The following FHIT variants were observed in gnomAD, a reference collection of about 807,000 sequenced individuals.
FHIT encodes the protein fragile histidine triad diadenosine triphosphatase, also known as bis(5'-adenosyl)-triphosphatase.
FHIT carries 19 observed loss-of-function variants against 17.9 expected under a neutral mutation model. That is an observed-to-expected ratio of 1.06 (90% confidence interval 0.74 to 1.56). The LOEUF (loss-of-function observed/expected upper bound fraction) is 1.56. Ranked by LOEUF, FHIT falls within the 40% of genes most tolerant of loss-of-function variation. FHIT has a pLI of 0.00. For missense variants in FHIT, 248 were observed against 189.2 expected (o/e 1.31, Z -1.82); for synonymous variants, 81 against 69.7 (o/e 1.16, Z -0.81).
chr3:59,982,148 C>G (rs761995861), intron 7 of FHIT, among the ~76,000 whole-genome samples: 1 of 152,116 alleles, frequency 6.6e-6, no homozygotes, highest in African/African-American at 2.4e-5. Context: ...GATGTATGGT[C>G]TCTTTTCTCA....
At chr3:60,486,015 T>C (rs1279529184) in intron 5 of FHIT, among the ~76,000 whole-genome samples, 2 of 152,124 alleles carry the variant, frequency 1.3e-5, no homozygotes. Context: ...TAAGACTATA[T>C]TGATCAGCAT....
At chr3:61,175,979 C>A (rs2038146073) in intron 2 of FHIT, among the ~76,000 whole-genome samples, 1 of 152,228 alleles carries the variant, frequency 6.6e-6, no homozygotes, top group Non-Finnish European at 1.5e-5. Flanking sequence ...ACAGATAAAG[C>A]AGTAGCCAAG....
At chr3:60,457,032 T>A (rs1426861064) in intron 5 of FHIT, among the ~76,000 whole-genome samples, 2 of 152,108 alleles carry the variant, frequency 1.3e-5, no homozygotes, top group Non-Finnish European at 2.9e-5. Flanking sequence ...TTCAATGCCA[T>A]CCCCATCAAG....
intron 4 of FHIT, among the ~76,000 whole-genome samples, chr3:60,622,163 C>T (rs721207): frequency 0.48 from 73,382 of 151,848 alleles, 17,981 homozygotes; most frequent in African/African-American, 0.53. Flanking sequence ...CCATGTCTCA[C>T]GGTGCCCCTA....
At chr3:61,116,213 G>A (rs2036294699) in intron 2 of FHIT, among the ~76,000 whole-genome samples, 1 of 151,980 alleles carries the variant, frequency 6.6e-6, no homozygotes, top group Non-Finnish European at 1.5e-5. Context: ...CTCTGTAAAT[G>A]TAAATGATTT....
At chr3:60,156,891 T>C (rs937988594) in intron 5 of FHIT, among the ~76,000 whole-genome samples, 1 of 152,198 alleles carries the variant, frequency 6.6e-6, no homozygotes, top group Non-Finnish European at 1.5e-5. Context: ...TCTTAATCAA[T>C]GTGCATTAGT....
intron 2 of FHIT, among the ~76,000 whole-genome samples, chr3:61,073,962 T>C (rs2034890574): frequency 6.6e-6 from 1 of 152,214 alleles, no homozygotes; most frequent in Non-Finnish European, 1.5e-5. Context: ...CAGCGGTTTA[T>C]TCTTGATTTG....
intron 5 of FHIT, among the ~76,000 whole-genome samples, chr3:60,153,440 TTC>T (rs1356429820): frequency 6.6e-6 from 1 of 151,960 alleles, no homozygotes; most frequent in African/African-American, 2.4e-5. Flanking sequence ...CCTGTTTGGT[TTC>T]TGTTAGCTTT....
chr3:60,892,384 C>T (rs1209744062), intron 3 of FHIT, among the ~76,000 whole-genome samples: 1 of 152,174 alleles, frequency 6.6e-6, no homozygotes, highest in Non-Finnish European at 1.5e-5. Flanking sequence ...CCCACCAACT[C>T]AACCAGCCCT....
chr3:60,796,980 T>C (rs184721656), intron 4 of FHIT, among the ~76,000 whole-genome samples: 5 of 152,358 alleles, frequency 3.3e-5, no homozygotes, highest in African/African-American at 1.2e-4. Flanking sequence ...TCTTCATAAC[T>C]TATAAAGGCC....
chr3:60,933,569 G>A (rs529893739), intron 3 of FHIT, among the ~76,000 whole-genome samples: 7 of 152,272 alleles, frequency 4.6e-5, no homozygotes, highest in African/African-American at 1.7e-4. Context: ...CCTCAAAAGC[G>A]GGTGTGTAGA....
At chr3:60,547,646 A>G (rs2036411640) in intron 4 of FHIT, among the ~76,000 whole-genome samples, 1 of 152,130 alleles carries the variant, frequency 6.6e-6, no homozygotes, top group African/African-American at 2.4e-5. Context: ...TCTACCTCCT[A>G]TAAACTACCT....
At chr3:60,951,355 A>T (rs1553777198) in intron 3 of FHIT, among the ~76,000 whole-genome samples, 1 of 152,236 alleles carries the variant, frequency 6.6e-6, no homozygotes, top group African/African-American at 2.4e-5. Flanking sequence ...AACTGTTTAC[A>T]GCTATTAGTA....
At chr3:60,685,590 A>C (rs781996980) in intron 4 of FHIT, among the ~76,000 whole-genome samples, 15 of 152,172 alleles carry the variant, frequency 9.9e-5, no homozygotes, top group Non-Finnish European at 1.8e-4. Context: ...AAGGGCTTGC[A>C]AAGTTCCATT....
chr3:60,923,968 A>G (rs1707433185), intron 3 of FHIT, among the ~76,000 whole-genome samples: 1 of 152,164 alleles, frequency 6.6e-6, no homozygotes, highest in African/African-American at 2.4e-5. Flanking sequence ...TTGCTAGGAA[A>G]GCAGCCTGAG....
intron 5 of FHIT, among the ~76,000 whole-genome samples, chr3:60,327,570 G>A (rs1709761273): frequency 1.3e-5 from 2 of 152,186 alleles, no homozygotes; most frequent in East Asian, 1.9e-4. Context: ...CTTGCATATG[G>A]TGTGTGCTAA....
chr3:60,375,519 G>A (rs1700516638), intron 5 of FHIT, among the ~76,000 whole-genome samples: 1 of 152,068 alleles, frequency 6.6e-6, no homozygotes, highest in Non-Finnish European at 1.5e-5. Flanking sequence ...AGGTTGCAGT[G>A]AGCAGAGATC....
At chr3:61,120,846 G>T (rs1357125958) in intron 2 of FHIT, among the ~76,000 whole-genome samples, 4 of 151,670 alleles carry the variant, frequency 2.6e-5, no homozygotes, top group African/African-American at 9.7e-5. Context: ...TAAGAAACTT[G>T]AAAAAAGGTT....
At chr3:60,198,418 T>A (rs908984956) in intron 5 of FHIT, among the ~76,000 whole-genome samples, 1 of 152,230 alleles carries the variant, frequency 6.6e-6, no homozygotes, top group Admixed American at 6.5e-5. Context: ...AGTAATCACA[T>A]GTGAATTACA....
Sources: gnomAD v4.1 joint callset for allele counts (sites outside exome capture counted in the v4.1 genomes callset) on GRCh38, gnomAD v4.1.1 for gene constraint, MANE v1.5 for transcripts, NCBI Gene and HGNC (gene_info 2026-07-23, HGNC 2026-07-21) for gene names.